The following HNF1B variants were observed in gnomAD, a reference collection of about 807,000 sequenced individuals.
HNF1B encodes HNF1 homeobox B.
HNF1B carries 8 observed loss-of-function variants against 61.7 expected under a neutral mutation model. The observed-to-expected ratio is 0.13, with a 90% CI of 0.08 to 0.23. The LOEUF is 0.23. HNF1B is among the 10% of genes least tolerant of loss of function. The pLI is 1.00. For synonymous variants in HNF1B, 314 were observed against 287.7 expected, an observed-to-expected ratio of 1.09 and a Z score of -0.93; for missense variants, 562 against 714.5, an observed-to-expected ratio of 0.79 and a Z score of 2.43.
At chr17:37,691,415 A>G (rs2032199066) in intron 8 of HNF1B, among the ~76,000 whole-genome samples, 1 of 152,174 alleles carries the variant, frequency 6.6e-6, no homozygotes, top group Non-Finnish European at 1.5e-5. Flanking sequence ...TCACAACAGC[A>G]AGGCTTGTGC....
chr17:37,720,011 T>C (rs895093556), intron 4 of HNF1B, among the ~76,000 whole-genome samples: 1 of 152,058 alleles, frequency 6.6e-6, no homozygotes, highest in Non-Finnish European at 1.5e-5. Flanking sequence ...TCATGACAGA[T>C]AGCTGCCGAT....
intron 8 of HNF1B, among the ~76,000 whole-genome samples, chr17:37,694,021 A>C (rs2032293606): frequency 6.6e-6 from 1 of 152,220 alleles, no homozygotes. Context: ...CAGAGCCATG[A>C]GCCAATTAAA....
chr17:37,706,040 C>T (rs1012447514), intron 5 of HNF1B, among the ~76,000 whole-genome samples: 1 of 152,130 alleles, frequency 6.6e-6, no homozygotes, highest in African/African-American at 2.4e-5. Context: ...CTCACTGCAA[C>T]CTCCGCCTTG....
At chr17:37,718,452 A>G (rs2033196888) in intron 4 of HNF1B, among the ~76,000 whole-genome samples, 1 of 152,214 alleles carries the variant, frequency 6.6e-6, no homozygotes, top group South Asian at 2.1e-4. Flanking sequence ...AGTATGTTAC[A>G]CCCATCTGCT....
chr17:37,690,711 G>GC (rs374560446), intron 8 of HNF1B, among the ~76,000 whole-genome samples: 83 of 152,310 alleles, frequency 5.4e-4, no homozygotes, highest in African/African-American at 1.9e-3. Flanking sequence ...AAATGGAGAA[G>GC]CCCATGGGGG....
chr17:37,711,161 T>C (rs1166683240), intron 4 of HNF1B, among the ~76,000 whole-genome samples: 1 of 152,242 alleles, frequency 6.6e-6, no homozygotes, highest in African/African-American at 2.4e-5. Flanking sequence ...CCTTGTCCAG[T>C]GACCCTTGAA....
intron 4 of HNF1B, 173 bp downstream of exon 4, chr17:37,731,422 A>T: frequency 1.4e-6 from 1 of 710,066 alleles, no homozygotes; most frequent in Non-Finnish European, 2.6e-6. Flanking sequence ...GTTGGAGGAA[A>T]CTGATCAGAG....
chr17:37,704,691 A>G (rs1391351096), intron 6 of HNF1B, among the ~76,000 whole-genome samples: 1 of 152,220 alleles, frequency 6.6e-6, no homozygotes. Flanking sequence ...CACAGCTGCT[A>G]AACTGTGACC....
At chr17:37,722,905 C>G (rs541732601) in intron 4 of HNF1B, among the ~76,000 whole-genome samples, 20 of 152,060 alleles carry the variant, frequency 1.3e-4, no homozygotes, top group Non-Finnish European at 2.8e-4. Flanking sequence ...AATGCTCCTT[C>G]GCCTGACGTT....
chr17:37,722,426 C>T (rs12450628), intron 4 of HNF1B, among the ~76,000 whole-genome samples: 43,394 of 152,078 alleles, frequency 0.29, 6,600 homozygotes, highest in East Asian at 0.37. Context: ...GTCACACTGC[C>T]GGATAGTGAC....
chr17:37,692,518 A>G (rs1278155167), intron 8 of HNF1B, among the ~76,000 whole-genome samples: 1 of 152,224 alleles, frequency 6.6e-6, no homozygotes, highest in Non-Finnish European at 1.5e-5. Context: ...AGAATGGGTA[A>G]GAGGGTTCTC....
At chr17:37,742,053 C>A (rs913095433) in intron 1 of HNF1B, among the ~76,000 whole-genome samples, 1 of 152,242 alleles carries the variant, frequency 6.6e-6, no homozygotes. Context: ...CCGAGAAAGG[C>A]ACCGGTCCCG....
At chr17:37,715,350 C>A (rs2033070936) in intron 4 of HNF1B, among the ~76,000 whole-genome samples, 1 of 152,142 alleles carries the variant, frequency 6.6e-6, no homozygotes, top group African/African-American at 2.4e-5. Context: ...AGCACCCATG[C>A]CCCAGACAAG....
At chr17:37,715,329 C>T (rs184721635) in intron 4 of HNF1B, among the ~76,000 whole-genome samples, 31 of 152,272 alleles carry the variant, frequency 2.0e-4, no homozygotes, top group Admixed American at 6.5e-4. Flanking sequence ...AATGAAACCC[C>T]AGCAGCTTTG....
At chr17:37,738,232 C>G (rs542453042) in intron 2 of HNF1B, among the ~76,000 whole-genome samples, 1 of 152,218 alleles carries the variant, frequency 6.6e-6, no homozygotes. Context: ...AAAGGTCTCT[C>G]GCTCTAAGCA....
chr17:37,731,878 C>T (rs1443217461), intron 3 of HNF1B, 48 bp from the exon 4 acceptor site: 2 of 1,258,340 alleles, frequency 1.6e-6, no homozygotes, highest in Non-Finnish European at 2.3e-6. Flanking sequence ...GGCGGGGGGA[C>T]TTGTTGGTGC....
At chr17:37,694,983 G>A (rs2032337015) in intron 8 of HNF1B, among the ~76,000 whole-genome samples, 1 of 152,212 alleles carries the variant, frequency 6.6e-6, no homozygotes, top group South Asian at 2.1e-4. Context: ...GTGGCCTATG[G>A]AGCAACAGCT....
intron 4 of HNF1B, among the ~76,000 whole-genome samples, chr17:37,723,790 T>TA (rs1471812774): frequency 2.0e-5 from 3 of 152,212 alleles, no homozygotes; most frequent in African/African-American, 7.2e-5. Context: ...CAAGGAATGG[T>TA]AACAGCTACT....
intron 4 of HNF1B, among the ~76,000 whole-genome samples, chr17:37,728,077 C>T (rs2033562344): frequency 6.6e-6 from 1 of 152,026 alleles, no homozygotes; most frequent in Non-Finnish European, 1.5e-5. Context: ...TCACTGCAAC[C>T]TCCACTTCCC....
Sources: gnomAD v4.1 joint callset for allele counts (sites outside exome capture counted in the v4.1 genomes callset) on GRCh38, gnomAD v4.1.1 for gene constraint, MANE v1.5 for transcripts, NCBI Gene and HGNC (gene_info 2026-07-23, HGNC 2026-07-21) for gene names.